EIF4G3: variants seen among roughly 807,000 people sequenced by gnomAD.
EIF4G3 encodes the protein eIF-4-gamma 3.
EIF4G3 carries 34 observed loss-of-function variants against 186.4 expected under a neutral mutation model. The observed-to-expected ratio is 0.18, with a 90% CI of 0.14 to 0.24. EIF4G3 has a LOEUF of 0.24. Ranked by LOEUF, EIF4G3 falls within the 10% of genes least tolerant of loss-of-function variation. The pLI, the probability that EIF4G3 is intolerant of heterozygous loss-of-function variation, is 1.00. For missense variants in EIF4G3, 1,536 were observed against 1,948.5 expected, an observed-to-expected ratio of 0.79 and a Z score of 3.99; for synonymous variants, 673 against 679.5, an observed-to-expected ratio of 0.99 and a Z score of 0.15.
chr1:20,848,416 T>C (rs747265057), intron 29 of EIF4G3, among the ~76,000 whole-genome samples: 1 of 152,222 alleles, frequency 6.6e-6, no homozygotes, highest in Non-Finnish European at 1.5e-5. Flanking sequence ...ATCCCATTAA[T>C]GGATTTCTCC....
chr1:21,104,424 C>A (rs1381938860), intron 2 of EIF4G3, among the ~76,000 whole-genome samples: 1 of 152,154 alleles, frequency 6.6e-6, no homozygotes, highest in African/African-American at 2.4e-5. Context: ...TGAACAAACA[C>A]TTTTCTAAAG....
At chr1:20,973,223 TTCA>T in intron 10 of EIF4G3, 124 bp from the exon 11 acceptor site, 1 of 657,458 alleles carries the variant, frequency 1.5e-6, no homozygotes, top group Non-Finnish European at 2.5e-6. Context: ...CTAAGCATTC[TTCA>T]TCATCTTTTT....
At chr1:20,845,674 A>T (rs1387056784) in intron 29 of EIF4G3, among the ~76,000 whole-genome samples, 1 of 151,910 alleles carries the variant, frequency 6.6e-6, no homozygotes, top group Non-Finnish European at 1.5e-5. Context: ...GAAAAAAAAT[A>T]AATAATAAAT....
At chr1:20,942,351 T>C in intron 13 of EIF4G3, 21 bp from the exon 14 acceptor site, 2 of 1,533,510 alleles carry the variant, frequency 1.3e-6, no homozygotes. Flanking sequence ...AAAAATAAGT[T>C]TTAAGAATAA....
rs566646085 is a variant in EIF4G3, at chr1:21,168,844, A to G, written c.-272+7331T>C. 9.2e-4 allele frequency among the ~76,000 whole-genome samples: 136 copies of G among 147,660 alleles called. 1 individual carries two copies. The highest frequency in any genetic ancestry group is 3.3e-3 in the African/African-American group (134 of 40,366). On this transcript the variant is annotated intron_variant, in intron 2 of 36. Coordinates refer to ENST00000602326, the MANE Select transcript of EIF4G3 (RefSeq NM_001391906.1). The stretch of plus-strand genomic sequence containing the variant: ...TGACCACTAATATTAAAATCCACAG[A>G]AAAAAAAAAATCAGGACAGAAATAC...
chr1:21,055,327 C>T (rs2094512519), intron 3 of EIF4G3, among the ~76,000 whole-genome samples: 1 of 151,948 alleles, frequency 6.6e-6, no homozygotes, highest in Non-Finnish European at 1.5e-5. Context: ...AAGAAGTTAA[C>T]TATATAAAAT....
intron 2 of EIF4G3, among the ~76,000 whole-genome samples, chr1:21,135,442 A>C (rs1172877746): frequency 6.6e-6 from 1 of 152,214 alleles, no homozygotes; most frequent in African/African-American, 2.4e-5. Context: ...CAGAGGTTGC[A>C]ATGAACCGAG....
chr1:20,907,759 T>C (rs61781099), intron 14 of EIF4G3, among the ~76,000 whole-genome samples: 58,834 of 151,636 alleles, frequency 0.39, 11,705 homozygotes, highest in Non-Finnish European at 0.41. Context: ...TTCCATGGTG[T>C]ATATGTGCCA....
chr1:20,819,632 GGT>G (rs2061832270), intron 33 of EIF4G3, among the ~76,000 whole-genome samples: 2 of 151,994 alleles, frequency 1.3e-5, no homozygotes, highest in Admixed American at 1.3e-4. Flanking sequence ...GGAGCTAAAT[GGT>G]GACAATACAT....
At chr1:20,874,727 C>G (rs2080256019) in intron 20 of EIF4G3, among the ~76,000 whole-genome samples, 1 of 152,062 alleles carries the variant, frequency 6.6e-6, no homozygotes, top group East Asian at 1.9e-4. Flanking sequence ...ACAGTCAAAT[C>G]TTATACCTTT....
chr1:20,909,845 G>T (rs559489935), intron 14 of EIF4G3, among the ~76,000 whole-genome samples: 7 of 146,032 alleles, frequency 4.8e-5, no homozygotes, highest in African/African-American at 1.5e-4. Flanking sequence ...ACAGTGGCAT[G>T]AACTTGGCTC....
chr1:21,039,284 T>C (rs938411825), intron 4 of EIF4G3, among the ~76,000 whole-genome samples: 2 of 152,164 alleles, frequency 1.3e-5, no homozygotes, highest in African/African-American at 4.8e-5. Context: ...AAACCATACA[T>C]AAAAATTAAA....
chr1:21,050,827 A>G, intron 4 of EIF4G3, 39 bp downstream of exon 4: 1 of 687,178 alleles, frequency 1.5e-6, no homozygotes, highest in Non-Finnish European at 2.6e-6. Flanking sequence ...ATGCCTTTAC[A>G]GGGACATTTC....
intron 10 of EIF4G3, among the ~76,000 whole-genome samples, chr1:20,973,459 GTGTATGTGTA>G (rs2076275198): frequency 6.6e-6 from 1 of 152,214 alleles, no homozygotes; most frequent in Non-Finnish European, 1.5e-5. Flanking sequence ...TCACACAAGG[GTGTATGTGTA>G]TGTTTGTTTA....
intron 4 of EIF4G3, among the ~76,000 whole-genome samples, chr1:21,042,752 C>T (rs1043152029): frequency 2.0e-5 from 3 of 152,206 alleles, no homozygotes; most frequent in African/African-American, 7.2e-5. Context: ...TCTGTCTGCT[C>T]ACTTCCCCCA....
chr1:21,028,040 A>G (rs954188207), intron 4 of EIF4G3, among the ~76,000 whole-genome samples: 2 of 152,234 alleles, frequency 1.3e-5, no homozygotes, highest in Non-Finnish European at 2.9e-5. Context: ...GGCACAAACA[A>G]CTACTGTATG....
rs898494661 is a variant in EIF4G3, at chr1:20,847,842, T to A, written c.3888+1573A>T. ...TCATCATCAAAAACTTCCTTCTACT[T>A]CTTCTGAATTTTGAAGAATTTCAGA... is the stretch of plus-strand genomic sequence containing the variant. On this transcript the variant is annotated intron_variant, in intron 29 of 36. Coordinates refer to ENST00000602326, the MANE Select transcript of EIF4G3 (RefSeq NM_001391906.1). 4 of 471,718 alleles carry A rather than the reference T, an allele frequency of 8.5e-6. No individual in the cohort carries two copies. The East Asian group carries it at 2.8e-4, about 33-fold the overall frequency. 29.2% of individuals were successfully genotyped at this position (471,718 alleles called of 1,614,324 possible).
Position 21,176,879 on chromosome 1 carries a change from G to C in EIF4G3, c.-613C>G, listed in dbSNP as rs1485929303. The stretch of plus-strand genomic sequence containing the variant: ...CAACATGGCGCTGTGGCCGCCTCCA[G>C]CAGTCCGGCAGGACGGCTGCTCGGA... On this transcript the variant is annotated 5_prime_UTR_variant, in exon 1 of 37. Transcript: ENST00000602326. The C allele has an allele frequency of 2.9e-6, 2 of 694,734 alleles. No homozygotes were observed. The highest frequency in any genetic ancestry group is 2.0e-5 in the Admixed American group (1 of 49,218). The allele number at this position is 694,734 out of a possible 1,614,324, so 43.0% of individuals were successfully genotyped here.
chr1:21,170,145 C>T (rs2097927189), intron 2 of EIF4G3, among the ~76,000 whole-genome samples: 1 of 151,826 alleles, frequency 6.6e-6, no homozygotes, highest in African/African-American at 2.4e-5. Flanking sequence ...ACTAGCACTC[C>T]AGCCAGGGCG....
Sources: gnomAD v4.1 joint callset for allele counts (sites outside exome capture counted in the v4.1 genomes callset) on GRCh38, gnomAD v4.1.1 for gene constraint, MANE v1.5 for transcripts, NCBI Gene and HGNC (gene_info 2026-07-23, HGNC 2026-07-21) for gene names.